PRKACB: variants seen among roughly 807,000 people sequenced by gnomAD.
PRKACB encodes the protein cAMP-dependent protein kinase catalytic subunit beta.
A neutral mutation model predicts 51.4 loss-of-function variants in PRKACB; 16 were observed. The ratio of observed to expected loss-of-function variants is 0.31; its 90% CI spans 0.21 to 0.47. The LOEUF (loss-of-function observed/expected upper bound fraction) is 0.47. Ranked by LOEUF, PRKACB falls within the 20% of genes least tolerant of loss-of-function variation. The probability of loss-of-function intolerance (pLI) is 1.00; values close to 1 mark genes in which losing one functional copy is unlikely to be tolerated. For missense variants in PRKACB, 309 were observed against 464.5 expected, an observed-to-expected ratio of 0.67 and a Z score of 3.08; for synonymous variants, 147 against 154.4, an observed-to-expected ratio of 0.95 and a Z score of 0.35.
intron 1 of PRKACB, among the ~76,000 whole-genome samples, chr1:84,103,681 A>G (rs1181183239): frequency 6.6e-6 from 1 of 152,188 alleles, no homozygotes; most frequent in Non-Finnish European, 1.5e-5. Context: ...TGTGTTGCCC[A>G]AATTCTTGAC....
At chr1:84,119,420 A>T (rs139475143) in intron 1 of PRKACB, among the ~76,000 whole-genome samples, 5 of 152,036 alleles carry the variant, frequency 3.3e-5, no homozygotes, top group Admixed American at 3.3e-4. Flanking sequence ...AGCATGGTCC[A>T]CTCTTTTGGC....
intron 1 of PRKACB, among the ~76,000 whole-genome samples, chr1:84,174,095 C>T (rs1423278929): frequency 6.6e-6 from 1 of 151,750 alleles, no homozygotes; most frequent in Non-Finnish European, 1.5e-5. Flanking sequence ...TCTACCCATG[C>T]GTTGAAAAGC....
At chr1:84,140,231 T>C (rs1469297446), upstream of PRKACB, among the ~76,000 whole-genome samples, 3 of 152,202 alleles carry the variant, frequency 2.0e-5, no homozygotes, top group African/African-American at 7.2e-5. Context: ...GTCAATTGAT[T>C]TTTGACAAAG....
intron 1 of PRKACB, among the ~76,000 whole-genome samples, chr1:84,120,010 T>A (rs1445893982): frequency 6.6e-6 from 1 of 152,052 alleles, no homozygotes; most frequent in Non-Finnish European, 1.5e-5. Flanking sequence ...CAACTTTATG[T>A]CTCAGTAATA....
chr1:84,127,412 C>T (rs1651716882), intron 1 of PRKACB, among the ~76,000 whole-genome samples: 1 of 152,068 alleles, frequency 6.6e-6, no homozygotes, highest in African/African-American at 2.4e-5. Context: ...AACAAAAATG[C>T]TTGTGTATTC....
At chr1:84,113,263 A>G (rs1425175552) in intron 1 of PRKACB, among the ~76,000 whole-genome samples, 1 of 152,182 alleles carries the variant, frequency 6.6e-6, no homozygotes, top group Non-Finnish European at 1.5e-5. Context: ...TGGTTGTATC[A>G]GTTAAAATGA....
At chr1:84,200,681 T>G (rs557985611) in intron 7 of PRKACB, among the ~76,000 whole-genome samples, 2 of 152,282 alleles carry the variant, frequency 1.3e-5, no homozygotes, top group South Asian at 4.1e-4. Context: ...GGAAGGGATC[T>G]ATCTTCAGTC....
chr1:84,216,019 A>G (rs1490861466), intron 9 of PRKACB, among the ~76,000 whole-genome samples: 1 of 152,062 alleles, frequency 6.6e-6, no homozygotes, highest in East Asian at 1.9e-4. Flanking sequence ...CAGTTTTTCT[A>G]ATTTATATAT....
chr1:84,085,150 T>C (rs929091712), intron 1 of PRKACB, among the ~76,000 whole-genome samples: 1 of 152,234 alleles, frequency 6.6e-6, no homozygotes, highest in Non-Finnish European at 1.5e-5. Flanking sequence ...ATATTACTTT[T>C]ATAATTTAAG....
intron 1 of PRKACB, among the ~76,000 whole-genome samples, chr1:84,134,026 G>T (rs1249146142): frequency 6.6e-6 from 1 of 152,200 alleles, no homozygotes; most frequent in Non-Finnish European, 1.5e-5. Context: ...CTCTCAGCGG[G>T]AAAGGGAGCT....
At chr1:84,078,371 G>A in exon 1 of PRKACB, 1 of 1,611,878 alleles carries the variant, frequency 6.2e-7, no homozygotes, top group Non-Finnish European at 8.5e-7. Context: ...GGTGGAGAGC[G>A]GTGAGTTGAA....
At chr1:84,092,148 G>T (rs1648528725) in intron 1 of PRKACB, among the ~76,000 whole-genome samples, 1 of 152,140 alleles carries the variant, frequency 6.6e-6, no homozygotes, top group South Asian at 2.1e-4. Context: ...ATAGGCTAAT[G>T]AATTTGATAA....
At chr1:84,199,118 T>TATATATATATATATAC (rs1558242785) in intron 7 of PRKACB, among the ~76,000 whole-genome samples, 2 of 111,214 alleles carry the variant, frequency 1.8e-5, no homozygotes, top group Non-Finnish European at 3.9e-5. Flanking sequence ...TATATATGCA[T>TATATATATATATATAC]ATATATATAT....
intron 1 of PRKACB, among the ~76,000 whole-genome samples, chr1:84,145,095 TTTATAA>T (rs746985584): frequency 8.5e-5 from 13 of 152,088 alleles, no homozygotes; most frequent in Non-Finnish European, 1.9e-4. Flanking sequence ...TATCAAAAAC[TTTATAA>T]TTATATTTTA....
intron 1 of PRKACB, 49 bp from the exon 2 acceptor site, chr1:84,179,128 A>G (rs754509379): frequency 6.6e-7 from 1 of 1,505,144 alleles, no homozygotes; most frequent in South Asian, 1.3e-5. Context: ...CTTATACAGA[A>G]TATAAATATT....
At chr1:84,157,220 A>G (rs940310583) in intron 1 of PRKACB, 5 of 152,120 alleles carry the variant, frequency 3.3e-5, no homozygotes, top group Admixed American at 6.5e-5. Context: ...TTGAGAAGGC[A>G]TGGCCCTTAT....
At chr1:84,123,686 T>C (rs1289180775) in intron 1 of PRKACB, among the ~76,000 whole-genome samples, 4 of 152,156 alleles carry the variant, frequency 2.6e-5, no homozygotes, top group African/African-American at 9.7e-5. Flanking sequence ...ACTTAACCTC[T>C]TTGTCACTCT....
intron 9 of PRKACB, among the ~76,000 whole-genome samples, chr1:84,228,990 T>A (rs1443461906): frequency 3.3e-5 from 5 of 151,512 alleles, no homozygotes; most frequent in Non-Finnish European, 7.4e-5. Context: ...TGCAGGTTAG[T>A]TACATATGTA....
At chr1:84,162,181 G>C (rs1324458229) in intron 1 of PRKACB, among the ~76,000 whole-genome samples, 5 of 151,810 alleles carry the variant, frequency 3.3e-5, no homozygotes, top group African/African-American at 7.3e-5. Context: ...TTTTCCCCTG[G>C]ACGTGATTCA....
Sources: allele counts gnomAD v4.1 joint callset (sites outside exome capture counted in the v4.1 genomes callset), GRCh38; gene constraint gnomAD v4.1.1; transcripts MANE v1.5; gene names NCBI Gene and HGNC (gene_info 2026-07-23, HGNC 2026-07-21).